ANKRD22: variants seen among roughly 807,000 people sequenced by gnomAD.
ANKRD22 encodes the protein ankyrin repeat domain 22, also known as ankyrin repeat domain-containing protein 22.
ANKRD22 carries 24 observed loss-of-function variants against 25.7 expected under a neutral mutation model. The ratio of observed to expected loss-of-function variants is 0.93; its 90% confidence interval spans 0.68 to 1.31. The LOEUF (loss-of-function observed/expected upper bound fraction) is 1.31, where lower values mean the gene tolerates loss of function less well. Ranked by LOEUF, ANKRD22 falls within the 50% of genes most tolerant of loss-of-function variation. The pLI is 0.00. For missense variants in ANKRD22, 214 were observed against 227.1 expected (o/e 0.94, Z 0.37); for synonymous variants, 84 against 84.3 (o/e 1.00, Z 0.02).
chr10:88,843,805 T>G (rs1461699332), intron 1 of ANKRD22, among the ~76,000 whole-genome samples: 1 of 152,166 alleles, frequency 6.6e-6, no homozygotes, highest in Non-Finnish European at 1.5e-5. Flanking sequence ...AATGTTTTAT[T>G]CTTACATTCT....
intron 1 of ANKRD22, among the ~76,000 whole-genome samples, chr10:88,839,790 T>C (rs1843987713): frequency 6.6e-6 from 1 of 152,194 alleles, no homozygotes; most frequent in African/African-American, 2.4e-5. Context: ...TAATCGATCA[T>C]GTAAGGACCA....
Position 88,823,356 on chromosome 10 carries a change from T to C in ANKRD22, c.422A>G (p.Tyr141Cys). 1 of 1,614,074 alleles carries C rather than the reference T, an allele frequency of 6.2e-7. No homozygotes were observed. The highest frequency in any genetic ancestry group is 1.3e-5 in the African/African-American group (1 of 75,038). Residue 141 changes from tyrosine to cysteine, a missense_variant, in exon 5 of 6, where the codon TAT becomes TGT. Physicochemically the swap from Tyr to Cys is radical, Grantham distance 194. Transcript: ENST00000371930. ...AGACTGGTTTTTCATTTCACAGGCATAATGTAATGCGGTACAGCCATACTG... is the reference window on the plus strand; with the variant it reads ...AGACTGGTTTTTCATTTCACAGGCACAATGTAATGCGGTACAGCCATACTG... ...TDCYGCTALH[Y>C]ACEMKNQSLI...
At chr10:88,845,885 A>C (rs564071425) in intron 1 of ANKRD22, among the ~76,000 whole-genome samples, 10 of 152,174 alleles carry the variant, frequency 6.6e-5, no homozygotes, top group Admixed American at 5.9e-4. Context: ...GTTTTGCATA[A>C]AATCTAAATT....
chr10:88,846,511 C>T (rs1844050224), intron 1 of ANKRD22, among the ~76,000 whole-genome samples: 1 of 152,124 alleles, frequency 6.6e-6, no homozygotes, highest in South Asian at 2.1e-4. Flanking sequence ...ATAACAAAAT[C>T]TTGCAGCCTT....
chr10:88,820,548 C>CTAGG lies in ANKRD22; in HGVS notation c.*2389_*2392dup. Reference sequence around the variant, plus strand: ...TAGGACAACCTCCTGAGGGATGGGGCTAGGACCCATGAAGGCAGAATTACG... The same window carrying CTAGG: ...TAGGACAACCTCCTGAGGGATGGGGCTAGGTAGGACCCATGAAGGCAGAATTACG... On this transcript the variant is annotated 3_prime_UTR_variant, in exon 6 of 6. Transcript: ENST00000371930. 6.6e-7 allele frequency: 1 copy of CTAGG among 1,509,276 alleles called. No homozygotes were observed. The highest frequency in any genetic ancestry group is 1.3e-5 in the South Asian group (1 of 79,248). The allele number at this position is 1,509,276 out of a possible 1,614,324, so 93.5% of individuals were successfully genotyped here.
rs190755116 is a variant in ANKRD22 at position 88,830,018 on chromosome 10, G to A, written c.214-1352C>T. On this transcript the variant is annotated intron_variant, in intron 2 of 5. Coordinates refer to ENST00000371930, the MANE Select transcript of ANKRD22 (RefSeq NM_144590.3). ...TGCCTAGGCAGGTCTTGAACTCCTG[G>A]TCTCAAACTATCCTTCCACCTTGGC... 2.3e-3 allele frequency among the ~76,000 whole-genome samples: 344 copies of A among 152,282 alleles called. 1 individual carries two copies. Among genetic ancestry groups the A allele is most frequent in the African/African-American group, 7.9e-3 (327 of 41,548 alleles).
chr10:88,845,740 A>G (rs1209289165), intron 1 of ANKRD22, among the ~76,000 whole-genome samples: 1 of 152,180 alleles, frequency 6.6e-6, no homozygotes, highest in Admixed American at 6.6e-5. Flanking sequence ...AAACTACTGT[A>G]ACAGCTTCCT....
At position 88,823,376 on chromosome 10, in the gene ANKRD22, A is replaced by G. The variant is rs1466450602; in HGVS notation, c.402T>C (p.Tyr134=). ...AGGCATAATGTAATGCGGTACAGCC[A>G]TACTGAAACACAAAGGGCCAAAACT... ...AGVEVNATDC[Y]GCTALHYACE... Residue 134 remains tyrosine, a splice_region_variant and synonymous_variant, in exon 5 of 6, where the codon TAT becomes TAC. Transcript: ENST00000371930. The G allele has an allele frequency of 3.1e-6, 5 of 1,613,454 alleles. No homozygotes were observed. Among genetic ancestry groups the G allele is most frequent in the East Asian group, 2.2e-5 (1 of 44,858 alleles).
intron 2 of ANKRD22, among the ~76,000 whole-genome samples, chr10:88,830,682 C>A (rs572036624): frequency 1.3e-5 from 2 of 152,300 alleles, no homozygotes; most frequent in East Asian, 1.9e-4. Flanking sequence ...AAAATCCCAG[C>A]AGGCTGGCTG....
chr10:88,825,005 T>TCACACACACACACA (rs1483035899), intron 4 of ANKRD22, among the ~76,000 whole-genome samples: 39 of 92,344 alleles, frequency 4.2e-4, no homozygotes, highest in Middle Eastern at 6.4e-3. Flanking sequence ...TCTCTCTCTC[T>TCACACACACACACA]CTCTCTCACA....
intron 2 of ANKRD22, among the ~76,000 whole-genome samples, chr10:88,830,919 A>G (rs763780201): frequency 1.3e-5 from 2 of 152,256 alleles, no homozygotes; most frequent in Admixed American, 6.5e-5. Context: ...TATCTGTTCC[A>G]TTCAGCACAG....
At chr10:88,843,919 G>A (rs1046361077) in intron 1 of ANKRD22, among the ~76,000 whole-genome samples, 15 of 151,990 alleles carry the variant, frequency 9.9e-5, no homozygotes, top group African/African-American at 3.6e-4. Context: ...TTTCTCTTCG[G>A]CAACCTGCAA....
chr10:88,826,040 A>C lies in ANKRD22; in HGVS notation c.397T>G (p.Cys133Gly), dbSNP rs753945962. 6.2e-7 allele frequency: 1 copy of C among 1,609,150 alleles called. No individual in the cohort carries two copies. Among genetic ancestry groups the C allele is most frequent in the African/African-American group, 1.3e-5 (1 of 74,910 alleles). ...DAGVEVNATD[C>G]YGCTALHYAC... ...AATGGCTAAAAGTATAAACTTACACAATCTGTAGCATTAACTTCGACGCCA... is the reference window on the plus strand; with the variant it reads ...AATGGCTAAAAGTATAAACTTACACCATCTGTAGCATTAACTTCGACGCCA... Residue 133 changes from cysteine (C) to glycine (G), a missense_variant and splice_region_variant, in exon 4 of 6, where the codon TGT (cysteine) becomes GGT (glycine). Cys to Gly is a radical substitution (Grantham distance 159). Coordinates refer to ENST00000371930, the MANE Select transcript of ANKRD22 (RefSeq NM_144590.3).
At chr10:88,828,748 T>C (rs1202293091) in intron 2 of ANKRD22, 82 bp from the exon 3 acceptor site, 11 of 1,027,236 alleles carry the variant, frequency 1.1e-5, no homozygotes, top group Non-Finnish European at 1.6e-5. Context: ...AAAAGTTTAG[T>C]TTGTGCTTTT....
At position 88,822,543 on chromosome 10, in the gene ANKRD22, G is replaced by GTTTTTTTTTTTTTTTTTTTTTTTTTTT. The variant is rs1491462149; in HGVS notation, c.*397_*398insAAAAAAAAAAAAAAAAAAAAAAAAAAA. On this transcript the variant is annotated 3_prime_UTR_variant, in exon 6 of 6. Transcript: ENST00000371930. The stretch of plus-strand genomic sequence containing the variant: ...GAAAGACTGAGTTTGGAACACCAGG[G>GTTTTTTTTTTTTTTTTTTTTTTTTTTT]CTTTTTTTTTTTTTTTTTTTTTTGA... The GTTTTTTTTTTTTTTTTTTTTTTTTTTT allele has an allele frequency of 1.5e-4, 3 of 19,718 alleles. No individual in the cohort carries two copies. The highest frequency in any genetic ancestry group is 1.6e-4 in the Non-Finnish European group (2 of 12,574). The allele number at this position is 19,718 out of a possible 1,614,324, so 1.2% of individuals were successfully genotyped here. A position where few individuals can be genotyped will look rare whatever the true frequency, so the allele number is the denominator to read the frequency against.
chr10:88,832,155 T>A, intron 1 of ANKRD22, 129 bp from the exon 2 acceptor site: 1 of 1,018,438 alleles, frequency 9.8e-7, no homozygotes, highest in Non-Finnish European at 1.4e-6. Context: ...GCTTTGCAGG[T>A]GAGATTTTTT....
chr10:88,825,676 C>G (rs1211968799), intron 4 of ANKRD22, among the ~76,000 whole-genome samples: 4 of 152,214 alleles, frequency 2.6e-5, no homozygotes, highest in Non-Finnish European at 5.9e-5. Flanking sequence ...ACAACTTGCT[C>G]AAACTCATAG....
intron 1 of ANKRD22, 84 bp downstream of exon 1, chr10:88,851,503 A>G (rs1844104262): frequency 6.7e-7 from 1 of 1,493,070 alleles, no homozygotes. Flanking sequence ...ACAGAAATAT[A>G]TTAACAGGGA....
chr10:88,830,082 C>T (rs1843890302), intron 2 of ANKRD22, among the ~76,000 whole-genome samples: 1 of 152,220 alleles, frequency 6.6e-6, no homozygotes. Context: ...AGCCACTGCA[C>T]ATGGCCCGTT....
Sources: allele counts gnomAD v4.1 joint callset (sites outside exome capture counted in the v4.1 genomes callset), GRCh38; gene constraint gnomAD v4.1.1; transcripts MANE v1.5; gene names NCBI Gene and HGNC (gene_info 2026-07-23, HGNC 2026-07-21).